Variants in CELF2 observed in about 807,000 individuals in gnomAD.
CELF2 encodes CUG triplet repeat RNA-binding protein 2.
In CELF2, 8 loss-of-function variants were observed where a neutral mutation model predicts 62.6. The observed-to-expected ratio is 0.13, with a 90% CI of 0.07 to 0.23. The LOEUF (loss-of-function observed/expected upper bound fraction) is 0.23, where lower values mean the gene tolerates loss of function less well. Among genes scored for constraint, CELF2 ranks in the 10% least tolerant of loss-of-function variants. The probability of loss-of-function intolerance (pLI) is 1.00; values close to 1 mark genes in which losing one functional copy is unlikely to be tolerated. For missense variants in CELF2, 333 were observed against 671.0 expected (o/e 0.50, Z 5.56); for synonymous variants, 258 against 250.0 (o/e 1.03, Z -0.30).
chr10:10,771,643 G>A, the CELF2 span, among the ~76,000 whole-genome samples: 1 of 152,288 alleles, frequency 6.6e-6, no homozygotes, highest in South Asian at 2.1e-4. Context: ...TTTTATCAGG[G>A]GTTTCTGCTT....
At chr10:10,726,556 T>A in the CELF2 span, among the ~76,000 whole-genome samples, 1 of 152,170 alleles carries the variant, frequency 6.6e-6, no homozygotes, top group Non-Finnish European at 1.5e-5. Context: ...CCTAAGTTTG[T>A]TTCATTGTGT....
rs1326196671 is a variant in CELF2, at chr10:11,237,663, T to G, written c.355-11490T>G. On this transcript the variant is annotated intron_variant, in intron 3 of 12. Coordinates refer to ENST00000633077, the MANE Select transcript of CELF2 (RefSeq NM_001326342.2). The surrounding 1 kb of genome is among the most constrained non-coding windows in gnomAD (Gnocchi z 4.0). ...GCTGGGGGTCAGCCACTCACTGGCT[T>G]TTGGGGCTTTGTTCATCCCAGTTCC... is the stretch of plus-strand genomic sequence containing the variant. Among the ~76,000 whole-genome samples the G allele has an allele frequency of 6.6e-6, 1 of 152,166 alleles. No homozygotes were observed. Among genetic ancestry groups the G allele is most frequent in the Non-Finnish European group, 1.5e-5 (1 of 68,024 alleles).
At chr10:10,881,006 T>C (rs2061404412) in intron 1 of CELF2, among the ~76,000 whole-genome samples, 1 of 152,180 alleles carries the variant, frequency 6.6e-6, no homozygotes, top group African/African-American at 2.4e-5. Flanking sequence ...ACCTTCTTCA[T>C]GTCACATGGA....
chr10:10,640,477 A>T, the CELF2 span, among the ~76,000 whole-genome samples: 3 of 151,916 alleles, frequency 2.0e-5, no homozygotes, highest in Non-Finnish European at 2.9e-5. Flanking sequence ...TCCTCCCACC[A>T]CCAGGTGAGA....
chr10:10,881,836 A>C (rs1038432524), intron 1 of CELF2, among the ~76,000 whole-genome samples: 2 of 152,190 alleles, frequency 1.3e-5, no homozygotes, highest in Non-Finnish European at 2.9e-5. Context: ...TATCCACTTT[A>C]TCAGGTTTCC....
At chr10:10,545,805 G>C in the CELF2 span, among the ~76,000 whole-genome samples, 1 of 152,170 alleles carries the variant, frequency 6.6e-6, no homozygotes, top group Non-Finnish European at 1.5e-5. Flanking sequence ...AGGGAGCAAA[G>C]CCACTCAGAA....
At chr10:10,800,364 T>C (rs1170357118) in intron 1 of CELF2, among the ~76,000 whole-genome samples, 2 of 152,176 alleles carry the variant, frequency 1.3e-5, no homozygotes, top group African/African-American at 4.8e-5. Context: ...GTACATTTTT[T>C]TTTTGAGATG....
chr10:11,135,927 A>G (rs1270089891), intron 1 of CELF2, among the ~76,000 whole-genome samples: 1 of 152,222 alleles, frequency 6.6e-6, no homozygotes, highest in African/African-American at 2.4e-5. Flanking sequence ...GGTGGAGCCT[A>G]GGATTGGCAG....
chr10:11,265,284 A>G (rs76988354), intron 5 of CELF2, among the ~76,000 whole-genome samples: 3,026 of 152,348 alleles, frequency 0.02, 109 homozygotes, highest in African/African-American at 0.068. Context: ...TCTGCTTTTC[A>G]TGCATTCACT....
chr10:10,472,558 G>T, the CELF2 span, among the ~76,000 whole-genome samples: 1 of 151,816 alleles, frequency 6.6e-6, no homozygotes. Context: ...TGACCATTGT[G>T]AGTCAGTTTC....
At chr10:10,814,313 A>G (rs1260005508) in intron 1 of CELF2, among the ~76,000 whole-genome samples, 1 of 151,888 alleles carries the variant, frequency 6.6e-6, no homozygotes, top group Admixed American at 6.6e-5. Flanking sequence ...AAGAGCCAGA[A>G]GATGACTTCA....
Position 10,931,995 on chromosome 10 carries a change from T to C in CELF2, c.89+11996T>C, listed in dbSNP as rs2066116742. Among the ~76,000 whole-genome samples the C allele has an allele frequency of 6.6e-6, 1 of 152,056 alleles. No individual in the cohort carries two copies. Among genetic ancestry groups the C allele is most frequent in the Non-Finnish European group, 1.5e-5 (1 of 68,016 alleles). On this transcript the variant is annotated intron_variant, in intron 2 of 13. Transcript: ENST00000636488. The surrounding 1 kb of genome is among the most constrained non-coding windows in gnomAD (Gnocchi z 6.1). ...CTTATTCACTATCATGAGAACAGCA[T>C]GGGAAAGACCTGCCCCCATGATTCC...
Position 10,849,320 on chromosome 10 carries a change from G to A in CELF2, c.53+50503G>A, listed in dbSNP as rs547773833. On this transcript the variant is annotated intron_variant, in intron 1 of 13. Transcript: ENST00000636488. The stretch of plus-strand genomic sequence containing the variant: ...AGCTACTTGGGAGGATGAGGCAGAA[G>A]AATCACGAACCAGGAGGCAGAGGTT... Among the ~76,000 whole-genome samples, 6 of 151,936 alleles carry A rather than the reference G, an allele frequency of 3.9e-5. No homozygotes were observed. In the East Asian group the frequency reaches 1.2e-3, roughly 29 times the overall value.
chr10:11,003,473 C>G (rs576231617), upstream of CELF2, among the ~76,000 whole-genome samples: 1 of 152,288 alleles, frequency 6.6e-6, no homozygotes, highest in African/African-American at 2.4e-5. This position sits in a 1 kb window ranked among gnomAD's most constrained non-coding sequence, Gnocchi z 4.4. Flanking sequence ...ATGGACAAAA[C>G]CGGTGGCTGG....
intron 9 of CELF2, among the ~76,000 whole-genome samples, chr10:11,298,161 G>T (rs1450563772): frequency 6.6e-6 from 1 of 152,236 alleles, no homozygotes; most frequent in East Asian, 1.9e-4. Flanking sequence ...GAGTTGGAGG[G>T]CTGGCTGGAG....
the CELF2 span, among the ~76,000 whole-genome samples, chr10:10,515,989 A>G: frequency 6.6e-6 from 1 of 152,190 alleles, no homozygotes; most frequent in Non-Finnish European, 1.5e-5. Flanking sequence ...GACGGTAGTA[A>G]TAACCAGCTC....
Position 10,938,029 on chromosome 10 carries a change from A to C in CELF2, c.89+18030A>C, listed in dbSNP as rs1216360074. 6.6e-6 allele frequency among the ~76,000 whole-genome samples: 1 copy of C among 152,218 alleles called. No homozygotes were observed. The highest frequency in any genetic ancestry group is 1.9e-4 in the East Asian group (1 of 5,194). On this transcript the variant is annotated intron_variant, in intron 2 of 13. Transcript: ENST00000636488. This position sits in a 1 kb window ranked among gnomAD's most constrained non-coding sequence, Gnocchi z 4.2. ...TTTCGACTCTATTCCCATTCAGTCT[A>C]TCCCCTCAACTAAAGTAAACTGAGG...
At chr10:11,140,398 G>T (rs1462213920) in intron 1 of CELF2, among the ~76,000 whole-genome samples, 1 of 151,854 alleles carries the variant, frequency 6.6e-6, no homozygotes, top group Non-Finnish European at 1.5e-5. Flanking sequence ...GAGTCACCAT[G>T]CCCAACTCCG....
chr10:11,168,964 T>G (rs1175405412), intron 2 of CELF2: 1 of 152,276 alleles, frequency 6.6e-6, no homozygotes, highest in Non-Finnish European at 1.5e-5. Context: ...CTGTTTGGTC[T>G]GTAGATGGTG....
Sources: gnomAD v4.1 joint callset for allele counts (sites outside exome capture counted in the v4.1 genomes callset) on GRCh38, gnomAD v4.1.1 for gene constraint, Gnocchi (gnomAD v3.1) non-coding constraint, MANE v1.5 for transcripts, NCBI Gene and HGNC (gene_info 2026-07-23, HGNC 2026-07-21) for gene names.